Variants in CENPL observed in about 807,000 individuals in gnomAD.
CENPL encodes the protein interphase centromere complex protein 33.
A neutral mutation model predicts 35.2 loss-of-function variants in CENPL; 20 were observed. That is an observed-to-expected ratio of 0.57 (90% CI 0.40 to 0.83). The LOEUF is 0.83. Ranked by LOEUF, CENPL falls within the 40% of genes least tolerant of loss-of-function variation. The pLI is 0.00. For missense variants in CENPL, 363 were observed against 395.8 expected (o/e 0.92, Z 0.70); for synonymous variants, 140 against 140.6 (o/e 1.00, Z 0.03).
intron 2 of CENPL, among the ~76,000 whole-genome samples, chr1:173,813,859 C>T (rs1351745361): frequency 6.6e-6 from 1 of 152,080 alleles, no homozygotes; most frequent in Admixed American, 6.6e-5. Context: ...CTAAATACCC[C>T]CATTAAAAGA....
intron 2 of CENPL, among the ~76,000 whole-genome samples, chr1:173,818,088 G>A (rs939884567): frequency 6.6e-6 from 1 of 151,942 alleles, no homozygotes; most frequent in Non-Finnish European, 1.5e-5. Flanking sequence ...AACCAACATG[G>A]CACATGTATA....
chr1:173,817,992 C>G (rs542441862), intron 2 of CENPL, among the ~76,000 whole-genome samples: 1 of 151,802 alleles, frequency 6.6e-6, no homozygotes, highest in Non-Finnish European at 1.5e-5. Context: ...TATCACATAC[C>G]GGGGCCTGTC....
Position 173,803,280 on chromosome 1 carries a change from A to G in CENPL, c.646T>C (p.Phe216Leu), listed in dbSNP as rs1649917197. The stretch of plus-strand genomic sequence containing the variant: ...ATGGCAGCCATCCAGGAAAGATTAA[A>G]TGCATTGATTGCTAAAGGACTGAAA... ...CYFSPLAINA[F>L]NLSWMAAMWT... The change falls in exon 5 of 6, where the codon TTT becomes CTT. Residue 216 changes from phenylalanine to leucine, a missense_variant. Coordinates refer to ENST00000682279, the MANE Select transcript of CENPL (RefSeq NM_001387287.1). The G allele has an allele frequency of 1.2e-6, 2 of 1,613,590 alleles. No individual in the cohort carries two copies. The highest frequency in any genetic ancestry group is 2.7e-5 in the African/African-American group (2 of 75,044).
chr1:173,820,545 A>C lies in CENPL; in HGVS notation c.-8+3381T>G, dbSNP rs528698159. Among the ~76,000 whole-genome samples, 7 of 152,220 alleles carry C rather than the reference A, an allele frequency of 4.6e-5. No homozygotes were observed. The South Asian group carries it at 1.5e-3, about 32-fold the overall frequency. On this transcript the variant is annotated intron_variant, in intron 2 of 5. Coordinates refer to ENST00000682279, the MANE Select transcript of CENPL (RefSeq NM_001387287.1). ...AAATAAATAAATACATAAACTAAAC[A>C]TGTAGCATTATTTGTCCTTAAAGCT...
intron 4 of CENPL, 121 bp from the exon 5 acceptor site, chr1:173,803,626 T>C (rs1225529571): frequency 8.3e-6 from 7 of 838,480 alleles, no homozygotes; most frequent in South Asian, 5.9e-5. Context: ...AAAAAAAACA[T>C]AGAGGGAATA....
intron 2 of CENPL, among the ~76,000 whole-genome samples, chr1:173,817,831 A>C (rs151231084): frequency 2.6e-5 from 4 of 152,224 alleles, no homozygotes; most frequent in African/African-American, 9.6e-5. Flanking sequence ...GCCATAAAAA[A>C]GAATAAGTTC....
chr1:173,803,140 T>A lies in CENPL; in HGVS notation c.786A>T (p.Lys262Asn). 1 of 1,614,104 alleles carries A rather than the reference T, an allele frequency of 6.2e-7. No individual in the cohort carries two copies. The highest frequency in any genetic ancestry group is 8.5e-7 in the Non-Finnish European group (1 of 1,179,926). ...TTTTGTGGACACTGTCCCATAGAGC[T>A]TTTGCATCCTCTGGATGTATTGCGA... is the stretch of plus-strand genomic sequence containing the variant. Reference protein sequence around the residue: ...ISFAIHPEDAKALWDSVHKTP... With the variant: ...ISFAIHPEDANALWDSVHKTP... The change falls in exon 5 of 6, where the codon AAA becomes AAT. Residue 262 changes from lysine to asparagine, a missense_variant. Physicochemically the swap from Lys to Asn is moderately conservative, Grantham distance 94. Coordinates refer to ENST00000682279, the MANE Select transcript of CENPL (RefSeq NM_001387287.1).
chr1:173,802,884 G>C, intron 5 of CENPL, 79 bp downstream of exon 5: 2 of 915,580 alleles, frequency 2.2e-6, no homozygotes, highest in Non-Finnish European at 3.3e-6. Flanking sequence ...TTCTTCAATT[G>C]AGTGGACAAT....
intron 2 of CENPL, among the ~76,000 whole-genome samples, chr1:173,816,009 G>A (rs1237827865): frequency 6.6e-6 from 1 of 152,170 alleles, no homozygotes; most frequent in African/African-American, 2.4e-5. Flanking sequence ...CAAAATCAAT[G>A]TGCAAAAATC....
chr1:173,803,626 T>A, intron 4 of CENPL, 121 bp from the exon 5 acceptor site: 1 of 838,590 alleles, frequency 1.2e-6, no homozygotes, highest in African/African-American at 1.7e-5. Flanking sequence ...AAAAAAAACA[T>A]AGAGGGAATA....
chr1:173,822,443 A>G (rs1294925707), intron 2 of CENPL: 1 of 152,112 alleles, frequency 6.6e-6, no homozygotes, highest in East Asian at 1.9e-4. Context: ...CATTCTACAT[A>G]GGAAAATAAT....
chr1:173,820,759 T>C (rs1431345573), intron 2 of CENPL, among the ~76,000 whole-genome samples: 49 of 152,168 alleles, frequency 3.2e-4, no homozygotes, highest in Admixed American at 3.1e-3. Flanking sequence ...TATTGATACA[T>C]GCAACAACTT....
intron 2 of CENPL, among the ~76,000 whole-genome samples, chr1:173,820,917 A>G (rs934022213): frequency 6.6e-6 from 1 of 152,228 alleles, no homozygotes; most frequent in Non-Finnish European, 1.5e-5. Flanking sequence ...AAATGTGACT[A>G]TAAAAAGGCA....
intron 2 of CENPL, among the ~76,000 whole-genome samples, chr1:173,813,515 A>G (rs1281593648): frequency 1.3e-5 from 2 of 152,238 alleles, no homozygotes; most frequent in African/African-American, 4.8e-5. Context: ...AGTGGGGGCC[A>G]ATATTCAACA....
At chr1:173,816,637 A>G (rs1469097314) in intron 2 of CENPL, among the ~76,000 whole-genome samples, 1 of 152,242 alleles carries the variant, frequency 6.6e-6, no homozygotes, top group Non-Finnish European at 1.5e-5. Context: ...CCTTATGTAG[A>G]AAGCTGAAAC....
At chr1:173,812,408 TCC>T (rs1650923859) in intron 2 of CENPL, among the ~76,000 whole-genome samples, 1 of 152,190 alleles carries the variant, frequency 6.6e-6, no homozygotes, top group Non-Finnish European at 1.5e-5. Flanking sequence ...GGGAGACACC[TCC>T]CAGTAGGGGC....
chr1:173,811,253 C>T lies in CENPL; in HGVS notation c.47G>A (p.Arg16Lys), dbSNP rs1435824380. 11 of 1,613,138 alleles carry T rather than the reference C, an allele frequency of 6.8e-6. No homozygotes were observed. The highest frequency in any genetic ancestry group is 9.3e-6 in the Non-Finnish European group (11 of 1,179,282). Residue 16 changes from arginine to lysine, a missense_variant, in exon 3 of 6, where the codon AGA (arginine) becomes AAA (lysine). Arg to Lys is a conservative substitution (Grantham distance 26, BLOSUM62 2). Coordinates refer to ENST00000682279, the MANE Select transcript of CENPL (RefSeq NM_001387287.1). ...GGCACCTATAAAGTAATCTTCAGGT[C>T]TTGAGGATGCACTAGGAGTTGACTC... ...APESTPSASS[R>K]PEDYFIGATP... is the part of the protein sequence containing the mutation.
intron 2 of CENPL, among the ~76,000 whole-genome samples, chr1:173,812,158 G>T (rs1557847041): frequency 6.6e-6 from 1 of 152,216 alleles, no homozygotes. Context: ...TAAACAAAGT[G>T]GCCATGAAGC....
intron 5 of CENPL, 131 bp from the exon 6 acceptor site, chr1:173,800,650 C>T (rs1649658604): frequency 1.9e-6 from 1 of 524,488 alleles, no homozygotes; most frequent in Non-Finnish European, 3.5e-6. Context: ...TTACCACATG[C>T]AATACACTCA....
Sources: allele counts gnomAD v4.1 joint callset (sites outside exome capture counted in the v4.1 genomes callset), GRCh38; gene constraint gnomAD v4.1.1; transcripts MANE v1.5; gene names NCBI Gene and HGNC (gene_info 2026-07-23, HGNC 2026-07-21).